Variants in LSM1 observed in about 807,000 individuals in gnomAD.
LSM1 encodes the protein U6 snRNA-associated Sm-like protein LSm1.
LSM1 carries 13 observed loss-of-function variants against 18.0 expected under a neutral mutation model. The ratio of observed to expected loss-of-function variants is 0.72; its 90% CI spans 0.47 to 1.15. The LOEUF is 1.15. Ranked by LOEUF, LSM1 falls within the 50% of genes most tolerant of loss-of-function variation. The pLI is 0.00. For synonymous variants in LSM1, 46 were observed against 56.0 expected (o/e 0.82, Z 0.80); for missense variants, 152 against 157.7 (o/e 0.96, Z 0.19).
intron 1 of LSM1, among the ~76,000 whole-genome samples, chr8:38,172,707 ATTATC>A (rs1563275777): frequency 6.6e-6 from 1 of 152,212 alleles, no homozygotes; most frequent in African/African-American, 2.4e-5. Context: ...CTAGATGACT[ATTATC>A]TTATTTGTAG....
At chr8:38,163,985 T>TG (rs1460472670) in intron 3 of LSM1, 145 bp from the exon 4 acceptor site, 1 of 708,088 alleles carries the variant, frequency 1.4e-6, no homozygotes, top group Non-Finnish European at 2.4e-6. Flanking sequence ...TAGGGACCGG[T>TG]AAGTTTTTCA....
intron 3 of LSM1, among the ~76,000 whole-genome samples, chr8:38,164,528 T>A (rs74488574): frequency 1.1e-3 from 170 of 149,222 alleles, no homozygotes; most frequent in Non-Finnish European, 2.1e-3. Flanking sequence ...TTTTTTTTTT[T>A]AATTATTTTA....
intron 3 of LSM1, among the ~76,000 whole-genome samples, chr8:38,167,447 A>C (rs748780990): frequency 1.3e-5 from 2 of 152,122 alleles, no homozygotes; most frequent in African/African-American, 4.8e-5. Context: ...AGCTCAGGTG[A>C]ATCTCCCACC....
intron 1 of LSM1, among the ~76,000 whole-genome samples, chr8:38,172,376 C>T (rs1803047220): frequency 6.8e-6 from 1 of 146,456 alleles, no homozygotes; most frequent in Non-Finnish European, 1.5e-5. Flanking sequence ...GGCTGCAGTG[C>T]AGTGGCACAA....
chr8:38,175,283 G>C (rs1343610033), intron 1 of LSM1, among the ~76,000 whole-genome samples: 1 of 151,918 alleles, frequency 6.6e-6, no homozygotes, highest in Non-Finnish European at 1.5e-5. Context: ...GGCTAGGCTG[G>C]TCTTGAACTC....
At chr8:38,176,182 C>T in intron 1 of LSM1, 93 bp downstream of exon 1, 8 of 1,080,666 alleles carry the variant, frequency 7.4e-6, no homozygotes, top group South Asian at 2.7e-5. Flanking sequence ...CGGCCCCGCC[C>T]GGGACTCATT....
upstream of LSM1, chr8:38,176,712 T>G: frequency 3.1e-6 from 3 of 957,542 alleles, no homozygotes; most frequent in East Asian, 6.1e-5. Context: ...TCCCTCAGCT[T>G]TCGGGGTTCG....
intron 3 of LSM1, among the ~76,000 whole-genome samples, chr8:38,169,190 T>G (rs556802989): frequency 6.6e-6 from 1 of 152,236 alleles, no homozygotes; most frequent in East Asian, 1.9e-4. Flanking sequence ...ATCTGAGTAC[T>G]TCTAGTAGGG....
chr8:38,176,223 CG>C lies in LSM1; in HGVS notation c.46+51del. 9 of 1,549,582 alleles carry C rather than the reference CG, an allele frequency of 5.8e-6. No individual in the cohort carries two copies. In the South Asian group the frequency reaches 9.0e-5, roughly 16 times the overall value. On this transcript the variant is annotated intron_variant, in intron 1 of 3. Transcript: ENST00000311351. ...AGCTTCTTCGGAAGAGGCGCCCGCC[CG>C]GGAGGAAGGGTCTAACCCCGGGCTC...
At chr8:38,172,233 TG>T (rs913145122) in intron 1 of LSM1, among the ~76,000 whole-genome samples, 200 bp from the exon 2 acceptor site, 119 of 151,188 alleles carry the variant, frequency 7.9e-4, no homozygotes, top group African/African-American at 2.7e-3. Flanking sequence ...CAGAGCAGTG[TG>T]GCAGAGTGGG....
In LSM1 at chr8:38,163,456, G is replaced by A. The variant is rs1802874687; in HGVS notation, c.*214C>T. 3 of 485,886 alleles carry A rather than the reference G, an allele frequency of 6.2e-6. No individual in the cohort carries two copies. Among genetic ancestry groups the A allele is most frequent in the South Asian group, 6.9e-5 (2 of 29,122 alleles). 30.1% of individuals were successfully genotyped at this position (485,886 alleles called of 1,614,324 possible). A position where few individuals can be genotyped will look rare whatever the true frequency, so the allele number is the denominator to read the frequency against. On this transcript the variant is annotated 3_prime_UTR_variant, in exon 4 of 4. Coordinates refer to ENST00000311351, the MANE Select transcript of LSM1 (RefSeq NM_014462.3). The stretch of plus-strand genomic sequence containing the variant: ...TGGTGCCACAGTGATGTGTGAAGGA[G>A]TCTATGCCACTGTTTCTTTAAACAG...
intron 3 of LSM1, among the ~76,000 whole-genome samples, chr8:38,166,645 A>T (rs1387673790): frequency 6.6e-6 from 1 of 152,154 alleles, no homozygotes; most frequent in Non-Finnish European, 1.5e-5. Flanking sequence ...GCATACTATT[A>T]CCACATGCTG....
At chr8:38,172,190 G>C (rs2843738) in intron 1 of LSM1, among the ~76,000 whole-genome samples, 157 bp from the exon 2 acceptor site, 58,144 of 151,816 alleles carry the variant, frequency 0.38, 11,756 homozygotes, top group East Asian at 0.6. Flanking sequence ...GCACAGCAAC[G>C]CGGATTTAGA....
Position 38,169,835 on chromosome 8 carries a change from G to A in LSM1, c.198C>T (p.Val66=). The part of the protein sequence containing the change: ...YGDIPRGIFV[V]RGENVVLLGE... The stretch of plus-strand genomic sequence containing the variant: ...CTAGTAGGACCACATTTTCTCCTCT[G>A]ACCACAAAAATCCCTCGAGGAATAT... The change falls in exon 3 of 4, where the codon GTC becomes GTT. Residue 66 remains valine, a synonymous_variant. Transcript: ENST00000311351. 2 of 1,613,300 alleles carry A rather than the reference G, an allele frequency of 1.2e-6. No homozygotes were observed. Among genetic ancestry groups the A allele is most frequent in the East Asian group, 2.2e-5 (1 of 44,840 alleles).
intron 1 of LSM1, among the ~76,000 whole-genome samples, chr8:38,172,849 T>G (rs543002629): frequency 6.6e-6 from 1 of 152,304 alleles, no homozygotes; most frequent in East Asian, 1.9e-4. Flanking sequence ...GAGCAGAAAT[T>G]CAATGTTTAC....
chr8:38,163,925 G>A (rs1802883972), intron 3 of LSM1, 85 bp from the exon 4 acceptor site: 2 of 1,182,586 alleles, frequency 1.7e-6, no homozygotes, highest in Admixed American at 3.8e-5. Context: ...TCCTCTATCA[G>A]GCTCAGATTA....
chr8:38,176,317 T>A lies in LSM1; in HGVS notation c.4A>T (p.Asn2Tyr). ...AGGCTGGCGGTGCCAGGCATATAGT[T>A]CATTTTGAACTGAAATAATGCTGCA... M[N>Y]YMPGTASLIE... Residue 2 changes from asparagine (N) to tyrosine (Y), a missense_variant, in exon 1 of 4, where the codon AAC (asparagine) becomes TAC (tyrosine). Coordinates refer to ENST00000311351, the MANE Select transcript of LSM1 (RefSeq NM_014462.3). The A allele has an allele frequency of 6.2e-7, 1 of 1,612,660 alleles. No homozygotes were observed. Among genetic ancestry groups the A allele is most frequent in the Non-Finnish European group, 8.5e-7 (1 of 1,179,450 alleles).
At position 38,163,651 on chromosome 8, in the gene LSM1, A is replaced by G. The variant is rs752184193; in HGVS notation, c.*19T>C. 2 of 1,612,602 alleles carry G rather than the reference A, an allele frequency of 1.2e-6. No homozygotes were observed. The highest frequency in any genetic ancestry group is 1.7e-6 in the Non-Finnish European group (2 of 1,178,946). On this transcript the variant is annotated 3_prime_UTR_variant, in exon 4 of 4. Coordinates refer to ENST00000311351, the MANE Select transcript of LSM1 (RefSeq NM_014462.3). ...GACAGCCCCTACTCTTCAAGAGCCAACAGCCTCTGGGCAAAAGATTAGTAC... is the reference window on the plus strand; with the variant it reads ...GACAGCCCCTACTCTTCAAGAGCCAGCAGCCTCTGGGCAAAAGATTAGTAC...
At chr8:38,169,436 T>G (rs1802988662) in intron 3 of LSM1, among the ~76,000 whole-genome samples, 1 of 152,216 alleles carries the variant, frequency 6.6e-6, no homozygotes, top group Non-Finnish European at 1.5e-5. Flanking sequence ...GATATCACAT[T>G]GTACTGTACA....
Sources: allele counts gnomAD v4.1 joint callset (sites outside exome capture counted in the v4.1 genomes callset), GRCh38; gene constraint gnomAD v4.1.1; transcripts MANE v1.5; gene names NCBI Gene and HGNC (gene_info 2026-07-23, HGNC 2026-07-21).